ATP8A2: variants seen among roughly 807,000 people sequenced by gnomAD.
ATP8A2 encodes ATPase phospholipid transporting 8A2, also known as phospholipid-transporting ATPase IB.
A neutral mutation model predicts 165.6 loss-of-function variants in ATP8A2; 100 were observed. That is an observed-to-expected ratio of 0.60 (90% CI 0.51 to 0.71). ATP8A2 has a LOEUF of 0.71. ATP8A2 is among the 30% of genes least tolerant of loss of function. The pLI is 0.00. For missense variants in ATP8A2, 1,227 were observed against 1,479.5 expected (o/e 0.83, Z 2.80); for synonymous variants, 543 against 548.8 (o/e 0.99, Z 0.15).
At chr13:25,758,155 T>G (rs2138231026) in intron 25 of ATP8A2, among the ~76,000 whole-genome samples, 1 of 152,308 alleles carries the variant, frequency 6.6e-6, no homozygotes, top group South Asian at 2.1e-4. Flanking sequence ...TGTAATAAAC[T>G]CATAGCCTTA....
chr13:25,991,368 C>A (rs1032304021), intron 35 of ATP8A2, among the ~76,000 whole-genome samples: 18 of 152,280 alleles, frequency 1.2e-4, no homozygotes, highest in African/African-American at 4.1e-4. Context: ...TAACATCTTA[C>A]AAAACTGTAG....
intron 33 of ATP8A2, among the ~76,000 whole-genome samples, chr13:25,952,073 A>T (rs1955382777): frequency 1.3e-5 from 2 of 152,188 alleles, no homozygotes; most frequent in Non-Finnish European, 2.9e-5. Flanking sequence ...GTAGGGATGC[A>T]GGTGCTGTGG....
intron 33 of ATP8A2, among the ~76,000 whole-genome samples, chr13:25,867,664 C>A (rs1952547998): frequency 1.3e-5 from 2 of 152,154 alleles, no homozygotes; most frequent in African/African-American, 4.8e-5. Flanking sequence ...ATCCCATCCC[C>A]CCTGCCACAG....
At chr13:25,572,339 A>G (rs2039491176) in intron 18 of ATP8A2, among the ~76,000 whole-genome samples, 2 of 152,172 alleles carry the variant, frequency 1.3e-5, no homozygotes, top group Non-Finnish European at 2.9e-5. Flanking sequence ...AGGTTTTGCC[A>G]TGTTGGCCAG....
At chr13:25,869,068 CAAAAAAAAAAAA>C (rs60945309) in intron 33 of ATP8A2, among the ~76,000 whole-genome samples, 2 of 72,352 alleles carry the variant, frequency 2.8e-5, no homozygotes, top group South Asian at 6.1e-4. Context: ...GACTCCGTCT[CAAAAAAAAAAAA>C]AAAAAAAAAA....
At chr13:25,666,531 C>T (rs1382491540) in intron 24 of ATP8A2, among the ~76,000 whole-genome samples, 10 of 152,166 alleles carry the variant, frequency 6.6e-5, no homozygotes, top group African/African-American at 1.9e-4. Flanking sequence ...TGAGTCACCA[C>T]GCCCGGCCAG....
chr13:25,476,079 A>G (rs1432186844), intron 2 of ATP8A2, among the ~76,000 whole-genome samples: 1 of 152,224 alleles, frequency 6.6e-6, no homozygotes, highest in African/African-American at 2.4e-5. Context: ...TAAAAAGAAC[A>G]AAATAATCTT....
intron 25 of ATP8A2, among the ~76,000 whole-genome samples, chr13:25,748,920 T>C (rs2044095884): frequency 6.6e-6 from 1 of 152,214 alleles, no homozygotes; most frequent in Non-Finnish European, 1.5e-5. Context: ...ACCATGTATA[T>C]ACACATAGGC....
intron 13 of ATP8A2, among the ~76,000 whole-genome samples, chr13:25,558,264 A>T (rs1178614041): frequency 6.6e-6 from 1 of 152,184 alleles, no homozygotes; most frequent in African/African-American, 2.4e-5. Context: ...TGCTTACTTA[A>T]AGGCAGATTC....
intron 10 of ATP8A2, among the ~76,000 whole-genome samples, chr13:25,548,612 T>C (rs2038724477): frequency 6.6e-6 from 1 of 152,230 alleles, no homozygotes; most frequent in South Asian, 2.1e-4. Context: ...CAGACCTGGA[T>C]GTGTCGTCTC....
At chr13:25,878,542 G>A (rs1952883259) in intron 33 of ATP8A2, among the ~76,000 whole-genome samples, 1 of 144,108 alleles carries the variant, frequency 6.9e-6, no homozygotes, top group Non-Finnish European at 1.5e-5. Flanking sequence ...TCTTGGTTTG[G>A]TGGGTTTTGG....
At chr13:25,963,024 A>G (rs1007093318) in intron 34 of ATP8A2, among the ~76,000 whole-genome samples, 2 of 152,222 alleles carry the variant, frequency 1.3e-5, no homozygotes, top group Non-Finnish European at 2.9e-5. Context: ...TGCAAATAAC[A>G]GAATCAGAAT....
intron 27 of ATP8A2, among the ~76,000 whole-genome samples, chr13:25,786,361 C>T (rs1489924868): frequency 2.0e-5 from 3 of 152,184 alleles, no homozygotes; most frequent in African/African-American, 7.2e-5. Flanking sequence ...GAGTTATATA[C>T]ACGCCTTCTT....
chr13:25,954,124 C>A (rs1955456217), intron 33 of ATP8A2, among the ~76,000 whole-genome samples: 1 of 152,204 alleles, frequency 6.6e-6, no homozygotes, highest in Admixed American at 6.5e-5. Flanking sequence ...TTCTTGCTGA[C>A]AGCACAGCTG....
intron 25 of ATP8A2, among the ~76,000 whole-genome samples, chr13:25,727,158 G>A (rs186542623): frequency 1.1e-3 from 168 of 152,244 alleles, no homozygotes; most frequent in African/African-American, 3.9e-3. Context: ...TCAGAAAATA[G>A]CATTTATATG....
chr13:25,978,771 T>G (rs1488851795), intron 35 of ATP8A2, among the ~76,000 whole-genome samples: 2 of 152,014 alleles, frequency 1.3e-5, no homozygotes, highest in Admixed American at 1.3e-4. Flanking sequence ...AAAACCCGTC[T>G]CTACTAAAAA....
At chr13:25,452,320 G>A (rs1450133841) in intron 1 of ATP8A2, among the ~76,000 whole-genome samples, 3 of 152,180 alleles carry the variant, frequency 2.0e-5, no homozygotes, top group East Asian at 3.9e-4. Context: ...CACACAGAGC[G>A]GAGGTCATGT....
chr13:25,721,677 G>T (rs912860651), intron 25 of ATP8A2, among the ~76,000 whole-genome samples: 2 of 152,072 alleles, frequency 1.3e-5, no homozygotes, highest in Non-Finnish European at 2.9e-5. Flanking sequence ...CCCATTTCTT[G>T]TAAATGGAAT....
intron 33 of ATP8A2, among the ~76,000 whole-genome samples, chr13:25,961,180 C>T (rs1032356809): frequency 5.3e-5 from 8 of 152,104 alleles, no homozygotes; most frequent in African/African-American, 7.2e-5. Flanking sequence ...CATGAATGAA[C>T]GGGCATTGAG....
Sources: gnomAD v4.1 joint callset for allele counts (sites outside exome capture counted in the v4.1 genomes callset) on GRCh38, gnomAD v4.1.1 for gene constraint, MANE v1.5 for transcripts, NCBI Gene and HGNC (gene_info 2026-07-23, HGNC 2026-07-21) for gene names.